Variants in TTC21B observed in about 807,000 individuals in gnomAD.
TTC21B encodes the protein tetratricopeptide repeat protein 21B.
TTC21B carries 127 observed loss-of-function variants against 175.1 expected under a neutral mutation model. The ratio of observed to expected loss-of-function variants is 0.73; its 90% CI spans 0.63 to 0.84. The LOEUF is 0.84. TTC21B is among the 40% of genes least tolerant of loss of function. The probability of loss-of-function intolerance (pLI) is 0.00; values close to 1 mark genes in which losing one functional copy is unlikely to be tolerated. For missense variants in TTC21B, 1,561 were observed against 1,558.3 expected (o/e 1.00, Z -0.03); for synonymous variants, 524 against 524.5 (o/e 1.00, Z 0.01).
At chr2:165,914,471 G>C (rs1050314715) in intron 15 of TTC21B, among the ~76,000 whole-genome samples, 4 of 152,050 alleles carry the variant, frequency 2.6e-5, no homozygotes, top group African/African-American at 9.7e-5. Flanking sequence ...CAGTTTCTCT[G>C]AATCACTCAG....
intron 17 of TTC21B, 46 bp from the exon 18 acceptor site, chr2:165,911,511 G>T (rs746954405): frequency 1.9e-6 from 3 of 1,607,662 alleles, no homozygotes; most frequent in Admixed American, 3.3e-5. Flanking sequence ...AATGAGAATG[G>T]CATTCAAGCA....
At chr2:165,902,964 C>T (rs534852227) in intron 19 of TTC21B, among the ~76,000 whole-genome samples, 3 of 152,148 alleles carry the variant, frequency 2.0e-5, no homozygotes, top group Non-Finnish European at 4.4e-5. Flanking sequence ...GGGTACCATC[C>T]CAAGGACACA....
chr2:165,907,068 T>C (rs1685765416), intron 19 of TTC21B, among the ~76,000 whole-genome samples: 1 of 152,112 alleles, frequency 6.6e-6, no homozygotes. Flanking sequence ...AGCAATATCT[T>C]TTTAAAAATT....
rs1214420591 is a variant in TTC21B, at chr2:165,913,606, G to A, written c.2179C>T (p.Leu727Phe). 5.6e-6 allele frequency: 9 copies of A among 1,613,048 alleles called. 1 individual carries two copies. The highest frequency in any genetic ancestry group is 3.3e-5 in the South Asian group (3 of 91,052). Residue 727 changes from leucine to phenylalanine, a missense_variant, in exon 16 of 29, where the codon CTC (leucine) becomes TTC (phenylalanine). Physicochemically the swap from Leu to Phe is conservative, Grantham distance 22. Coordinates refer to ENST00000243344, the MANE Select transcript of TTC21B (RefSeq NM_024753.5). ...ATATTCATGTATGCATCACCAAGGA[G>A]AAGAAAAGACCGAGGGTTAGCCATT... is the stretch of plus-strand genomic sequence containing the variant. The part of the protein sequence containing the change: ...ERMANPRSFL[L>F]LGDAYMNILE...
rs150414619 is a variant in TTC21B at position 165,953,556 on chromosome 2, G to A, written c.21+129C>T. 1.6e-3 allele frequency: 2,407 copies of A among 1,465,902 alleles called. 40 individuals carry two copies. The African/African-American group carries it at 0.03, about 19-fold the overall frequency. The allele number at this position is 1,465,902 out of a possible 1,614,324, so 90.8% of individuals were successfully genotyped here. A position where few individuals can be genotyped will look rare whatever the true frequency, so the allele number is the denominator to read the frequency against. ...GCAGGCCCACCCCGCAACCCGAGCA[G>A]CCGGGGCACCGCAGGGAAACAGCGG... On this transcript the variant is annotated intron_variant, in intron 1 of 28. Transcript: ENST00000243344.
intron 27 of TTC21B, among the ~76,000 whole-genome samples, chr2:165,878,898 T>C (rs1162062462): frequency 1.3e-5 from 2 of 152,250 alleles, no homozygotes; most frequent in South Asian, 2.1e-4. Flanking sequence ...GCCAGGCTAG[T>C]TTCGAACTCC....
intron 18 of TTC21B, 65 bp from the exon 19 acceptor site, chr2:165,907,849 G>T: frequency 8.3e-7 from 1 of 1,203,970 alleles, no homozygotes; most frequent in Non-Finnish European, 1.2e-6. Flanking sequence ...TATTTTTCCA[G>T]AATTTTTAAA....
Position 165,898,708 on chromosome 2 carries a change from C to T in TTC21B, c.2928G>A (p.Gln976=), listed in dbSNP as rs774490142. The change falls in exon 22 of 29, where the codon CAG becomes CAA. Residue 976 remains glutamine, a synonymous_variant. Transcript: ENST00000243344. ...TACCTGGCTTACGTTCTAAAAGCTG[C>T]TGTAAATGAAACACTGCTTGTTCAT... ...QDYEQAVFHL[Q]QLLERKPDNY... The T allele has an allele frequency of 2.4e-5, 39 of 1,612,416 alleles. No homozygotes were observed. Among genetic ancestry groups the T allele is most frequent in the Non-Finnish European group, 3.1e-5 (37 of 1,178,594 alleles).
chr2:165,943,187 A>G (rs1192332040), intron 5 of TTC21B, 32 bp downstream of exon 5: 3 of 1,610,846 alleles, frequency 1.9e-6, no homozygotes, highest in African/African-American at 2.7e-5. Flanking sequence ...TATATTTTGA[A>G]ACATGATTTA....
intron 22 of TTC21B, among the ~76,000 whole-genome samples, chr2:165,894,885 A>T (rs1258112590): frequency 6.6e-6 from 1 of 152,210 alleles, no homozygotes; most frequent in African/African-American, 2.4e-5. Context: ...TACTATAAGT[A>T]ATAAAGACGT....
rs778525866 is a variant in TTC21B at position 165,941,164 on chromosome 2, GC to G, written c.572del (p.Arg191ProfsTer11). 6.2e-7 allele frequency: 1 copy of G among 1,613,904 alleles called. No individual in the cohort carries two copies. Among genetic ancestry groups the G allele is most frequent in the East Asian group, 2.2e-5 (1 of 44,872 alleles). On this transcript the variant is annotated frameshift_variant, in exon 6 of 29. Transcript: ENST00000243344. LOFTEE classifies it high-confidence loss of function. The part of the protein sequence containing the change: ...LLGKAQCLEM[R>X]QNYSGALETV... ...TCTCCAGGGCACCTGAATAATTCTG[GC>G]GCATCTCAAGGCATTGTGCCTAATG...
chr2:165,914,691 G>GTGTGTGTGTGTC (rs1245233255), intron 15 of TTC21B, among the ~76,000 whole-genome samples: 4 of 148,250 alleles, frequency 2.7e-5, no homozygotes, highest in African/African-American at 1.0e-4. Context: ...GTGTGTGTGT[G>GTGTGTGTGTGTC]TGTGTGTTGT....
chr2:165,921,704 A>G (rs2105332381), intron 12 of TTC21B, among the ~76,000 whole-genome samples: 1 of 151,790 alleles, frequency 6.6e-6, no homozygotes, highest in South Asian at 2.1e-4. Context: ...TGGTGTCAGA[A>G]GTCATTGCAG....
chr2:165,940,946 T>C (rs1471516397), intron 6 of TTC21B, 81 bp downstream of exon 6: 3 of 1,520,866 alleles, frequency 2.0e-6, no homozygotes, highest in South Asian at 2.3e-5. Flanking sequence ...AAAACCCTTA[T>C]GAAAAAAATT....
chr2:165,931,592 T>G (rs1038207059), intron 8 of TTC21B, among the ~76,000 whole-genome samples, 166 bp downstream of exon 8: 1 of 152,118 alleles, frequency 6.6e-6, no homozygotes, highest in Admixed American at 6.6e-5. Flanking sequence ...GTTCTTACAG[T>G]TGGAAACCAC....
chr2:165,895,213 T>C (rs567822430), intron 22 of TTC21B, among the ~76,000 whole-genome samples: 1 of 152,266 alleles, frequency 6.6e-6, no homozygotes, highest in South Asian at 2.1e-4. Context: ...AGCATGGTTG[T>C]ATGTCATTTG....
rs540805080 is a variant in TTC21B, at chr2:165,946,141, C to T, written c.263-451G>A. ...GAGATCGAGACCATCCTGGCTAGCA[C>T]GGTGAAACCCTGTCTCTACTAAAGA... On this transcript the variant is annotated intron_variant, in intron 3 of 28. Transcript: ENST00000243344. Among the ~76,000 whole-genome samples the T allele has an allele frequency of 8.4e-5, 12 of 142,298 alleles. No homozygotes were observed. In the East Asian group the frequency reaches 1.7e-3, roughly 20 times the overall value. The allele number at this position is 142,298 out of a possible 152,430, so 93.4% of individuals were successfully genotyped here. A position where few individuals can be genotyped will look rare whatever the true frequency, so the allele number is the denominator to read the frequency against.
rs771788049 is a variant in TTC21B at position 165,943,248 on chromosome 2, C to T, written c.523G>A (p.Gly175Arg). 1.2e-5 allele frequency: 20 copies of T among 1,613,532 alleles called. 1 individual carries two copies. In the East Asian group the frequency reaches 3.3e-4, roughly 27 times the overall value. ...CCCAGCAGAGCAAAAGTATCATTCC[C>T]ATCTTGGAGTCCCTCTTCAAAATAC... The part of the protein sequence containing the change: ...LKYFEEGLQD[G>R]NDTFALLGKA... The change falls in exon 5 of 29, where the codon GGG becomes AGG. Residue 175 changes from glycine to arginine, a missense_variant. By Grantham distance (125) the Gly-to-Arg change is moderately radical (BLOSUM62 -2). Transcript: ENST00000243344.
intron 1 of TTC21B, among the ~76,000 whole-genome samples, chr2:165,953,226 A>G (rs1687814089): frequency 6.6e-6 from 1 of 152,202 alleles, no homozygotes; most frequent in Admixed American, 6.5e-5. Context: ...AACAGAGAAG[A>G]CCATCACCCT....
Sources: gnomAD v4.1 joint callset for allele counts (sites outside exome capture counted in the v4.1 genomes callset) on GRCh38, gnomAD v4.1.1 for gene constraint, MANE v1.5 for transcripts, NCBI Gene and HGNC (gene_info 2026-07-23, HGNC 2026-07-21) for gene names.